The following DCLRE1C variants were observed in gnomAD, a reference collection of about 807,000 sequenced individuals.
DCLRE1C encodes the protein DNA cross-link repair 1C.
A neutral mutation model predicts 61.4 loss-of-function variants in DCLRE1C; 47 were observed. That is an observed-to-expected ratio of 0.77 (90% CI 0.61 to 0.98). DCLRE1C has a LOEUF of 0.98. Ranked by LOEUF, DCLRE1C falls within the 50% of genes least tolerant of loss-of-function variation. DCLRE1C has a pLI of 0.00. For synonymous variants in DCLRE1C, 337 were observed against 287.6 expected (o/e 1.17, Z -1.74); for missense variants, 858 against 816.0 (o/e 1.05, Z -0.63).
chr10:14,930,585 A>G (rs1197258355), intron 9 of DCLRE1C, among the ~76,000 whole-genome samples: 1 of 151,698 alleles, frequency 6.6e-6, no homozygotes, highest in African/African-American at 2.4e-5. Context: ...GGCACACACC[A>G]CCATGCCCAG....
chr10:14,937,189 C>T (rs948494766), intron 4 of DCLRE1C, among the ~76,000 whole-genome samples: 30 of 151,534 alleles, frequency 2.0e-4, no homozygotes, highest in Non-Finnish European at 4.4e-4. Flanking sequence ...CTAAAGGCTT[C>T]TTCCCTTGGG....
Position 14,908,678 on chromosome 10 carries a change from AGAGT to A in DCLRE1C, c.1805_1808del (p.Tyr602LeufsTer3), listed in dbSNP as rs776757869. On this transcript the variant is annotated frameshift_variant, in exon 14 of 14. Transcript: ENST00000378278. LOFTEE classifies it low-confidence loss of function (END_TRUNC). ...CATCTTTATCTCTGCTTTTCAAATC[AGAGT>A]AAGTATCCTTTGGGCAAATTACATT... 6.2e-7 allele frequency: 1 copy of A among 1,614,232 alleles called. No homozygotes were observed. Among genetic ancestry groups the A allele is most frequent in the South Asian group, 1.1e-5 (1 of 91,078 alleles).
rs1834310388 is a variant in DCLRE1C at position 14,905,421 on chromosome 10, T to C, written c.*2987A>G. Among the ~76,000 whole-genome samples, 1 of 152,260 alleles carries C rather than the reference T, an allele frequency of 6.6e-6. No homozygotes were observed. The highest frequency in any genetic ancestry group is 1.9e-4 in the East Asian group (1 of 5,204). On this transcript the variant is annotated 3_prime_UTR_variant, in exon 14 of 14. Transcript: ENST00000378278. ...TTTTAGAATTCAGAGCTCATATTCA[T>C]TGACCCAGTCTTTTATGCCTTTTAT...
chr10:14,929,945 A>G (rs1838691302), intron 9 of DCLRE1C, among the ~76,000 whole-genome samples: 1 of 152,232 alleles, frequency 6.6e-6, no homozygotes, highest in Non-Finnish European at 1.5e-5. Context: ...AAGCGGCTAG[A>G]AATAGCATCT....
upstream of DCLRE1C, chr10:14,954,405 C>G (rs41304288): frequency 1.0e-3 from 349 of 334,914 alleles, 2 homozygotes; most frequent in African/African-American, 6.9e-3. Flanking sequence ...GGCTGCGGAA[C>G]TGCGCTTAGA....
chr10:14,950,968 A>T lies in DCLRE1C; in HGVS notation c.110-1881T>A, dbSNP rs190872865. Among the ~76,000 whole-genome samples the T allele has an allele frequency of 2.3e-3, 347 of 152,238 alleles. 2 individuals carry two copies. The highest frequency in any genetic ancestry group is 3.1e-3 in the Non-Finnish European group (213 of 68,010). On this transcript the variant is annotated intron_variant, in intron 1 of 13. Coordinates refer to ENST00000378278, the MANE Select transcript of DCLRE1C (RefSeq NM_001033855.3). The stretch of plus-strand genomic sequence containing the variant: ...GTCTCAGGGGTCGGGGGGCCCTCTC[A>T]TCTTTCAGAACTTACTGATGATGCT...
chr10:14,921,883 A>G (rs753368265), intron 12 of DCLRE1C, among the ~76,000 whole-genome samples: 4 of 152,220 alleles, frequency 2.6e-5, no homozygotes, highest in South Asian at 2.1e-4. Context: ...GCCAACTCCA[A>G]TTCTGTGTCT....
In DCLRE1C at chr10:14,926,874, G is replaced by C; in HGVS notation, c.941C>G (p.Ala314Gly). 1 of 1,613,502 alleles carries C rather than the reference G, an allele frequency of 6.2e-7. No individual in the cohort carries two copies. Among genetic ancestry groups the C allele is most frequent in the Non-Finnish European group, 8.5e-7 (1 of 1,179,564 alleles). Residue 314 changes from alanine (A) to glycine (G), a missense_variant, in exon 11 of 14, where the codon GCT becomes GGT. Ala to Gly is a moderately conservative substitution (Grantham distance 60). Coordinates refer to ENST00000378278, the MANE Select transcript of DCLRE1C (RefSeq NM_001033855.3). The part of the protein sequence containing the change: ...IVRTGESSYR[A>G]CFSFHSSYSE... ...GTAGGAGGAGTGAAAAGAAAAACAA[G>C]CTCTGTATGAACTCTCTCCAGTCCT...
chr10:14,934,679 C>A (rs527584695), intron 7 of DCLRE1C, 24 bp downstream of exon 7: 1 of 1,612,882 alleles, frequency 6.2e-7, no homozygotes, highest in Non-Finnish European at 8.5e-7. Flanking sequence ...CAGATGATAA[C>A]CCTGTTCCTC....
At chr10:14,945,586 A>G in intron 2 of DCLRE1C, 1 of 1,022,632 alleles carries the variant, frequency 9.8e-7, no homozygotes, top group Non-Finnish European at 1.2e-6. Flanking sequence ...ACCGCCACAC[A>G]TTACACTACC....
chr10:14,905,146 C>T lies in DCLRE1C; in HGVS notation c.*3262G>A, dbSNP rs543533889. On this transcript the variant is annotated 3_prime_UTR_variant, in exon 14 of 14. Transcript: ENST00000378278. ...TTGACTACGTGCTAGCAAGATTAAC[C>T]GAAGGTTTATATTCAATTCCTTTAA... 3.5e-4 allele frequency among the ~76,000 whole-genome samples: 53 copies of T among 152,298 alleles called. No individual in the cohort carries two copies. Among genetic ancestry groups the T allele is most frequent in the Middle Eastern group, 3.4e-3 (1 of 294 alleles).
downstream of DCLRE1C, chr10:14,902,355 C>A: frequency 1.5e-6 from 2 of 1,294,632 alleles, no homozygotes; most frequent in South Asian, 1.4e-5. Context: ...GAAATTTATT[C>A]TAAATTGTCT....
intron 11 of DCLRE1C, among the ~76,000 whole-genome samples, chr10:14,925,813 C>G (rs1837876399): frequency 6.6e-6 from 1 of 152,108 alleles, no homozygotes; most frequent in Non-Finnish European, 1.5e-5. Context: ...TAATAGATGG[C>G]AAAAAGGAAA....
chr10:14,951,662 C>G (rs1383387304), intron 1 of DCLRE1C, among the ~76,000 whole-genome samples: 1 of 152,146 alleles, frequency 6.6e-6, no homozygotes, highest in Non-Finnish European at 1.5e-5. Flanking sequence ...CTTTTCCTAA[C>G]TTACAGACAG....
chr10:14,918,047 T>C (rs1836494640), intron 13 of DCLRE1C, among the ~76,000 whole-genome samples: 1 of 152,192 alleles, frequency 6.6e-6, no homozygotes. Context: ...AACTGAACTC[T>C]CATACACTTC....
At chr10:14,919,039 G>A (rs1050786053) in intron 13 of DCLRE1C, among the ~76,000 whole-genome samples, 21 of 152,036 alleles carry the variant, frequency 1.4e-4, no homozygotes, top group African/African-American at 5.1e-4. Context: ...CACAATACCT[G>A]CCATTAATAG....
At position 14,931,666 on chromosome 10, in the gene DCLRE1C, A is replaced by C. The variant is rs1439784874; in HGVS notation, c.780+1188T>G. ...GACCATCAAGACATGAAACTATTTT[A>C]AAGTGTGAAAAAAAGTTATGTCTAG... On this transcript the variant is annotated intron_variant, in intron 9 of 13. Transcript: ENST00000378278. Among the ~76,000 whole-genome samples the C allele has an allele frequency of 3.9e-5, 6 of 152,358 alleles. No homozygotes were observed. The South Asian group carries it at 8.3e-4, about 21-fold the overall frequency.
intron 11 of DCLRE1C, among the ~76,000 whole-genome samples, chr10:14,926,248 G>C (rs1391037764): frequency 1.3e-5 from 2 of 152,066 alleles, no homozygotes; most frequent in African/African-American, 4.8e-5. Flanking sequence ...GTGCACGTCA[G>C]GTGATTCAAA....
At chr10:14,936,660 C>G (rs1294190801) in intron 4 of DCLRE1C, 67 bp from the exon 5 acceptor site, 4 of 1,080,090 alleles carry the variant, frequency 3.7e-6, no homozygotes, top group African/African-American at 1.6e-5. Flanking sequence ...CTCAACAAAG[C>G]CCTCCTTCAC....
Sources: allele counts gnomAD v4.1 joint callset (sites outside exome capture counted in the v4.1 genomes callset), GRCh38; gene constraint gnomAD v4.1.1; transcripts MANE v1.5; gene names NCBI Gene and HGNC (gene_info 2026-07-23, HGNC 2026-07-21).